GARIN2: variants seen among roughly 807,000 people sequenced by gnomAD.
GARIN2 encodes golgi associated RAB2 interactor family member 2.
At chr14:67,206,271 G>T in the GARIN2 span, among the ~76,000 whole-genome samples, 1 of 152,142 alleles carries the variant, frequency 6.6e-6, no homozygotes, top group African/African-American at 2.4e-5. Flanking sequence ...GACCGAGGCG[G>T]GCAGATCACC....
chr14:67,199,616 C>T, the GARIN2 span: 9,279 of 1,585,804 alleles, frequency 5.9e-3, 47 homozygotes, highest in Non-Finnish European at 7.2e-3. Context: ...CAAGGGTGAG[C>T]GCCATGGCTT....
chr14:67,225,830 A>G, the GARIN2 span, among the ~76,000 whole-genome samples: 387 of 152,272 alleles, frequency 2.5e-3, 3 homozygotes, highest in African/African-American at 9.1e-3. Context: ...TCTCTCAGCC[A>G]TGATAACAAC....
the GARIN2 span, among the ~76,000 whole-genome samples, chr14:67,220,801 T>C: frequency 1.3e-5 from 2 of 152,210 alleles, no homozygotes; most frequent in African/African-American, 4.8e-5. Context: ...AAAGACTATA[T>C]GAATATTTGC....
At chr14:67,200,640 T>C in the GARIN2 span, 1 of 170,926 alleles carries the variant, frequency 5.9e-6, no homozygotes, top group Non-Finnish European at 1.2e-5. Context: ...ACCTCCAGTA[T>C]ACCATAGGCA....
At chr14:67,193,211 G>T in the GARIN2 span, among the ~76,000 whole-genome samples, 9 of 112,004 alleles carry the variant, frequency 8.0e-5, no homozygotes, top group Non-Finnish European at 9.5e-5. Context: ...TCTCTATATA[G>T]ACATCTATCT....
At chr14:67,203,480 G>C in the GARIN2 span, among the ~76,000 whole-genome samples, 1 of 152,128 alleles carries the variant, frequency 6.6e-6, no homozygotes, top group Non-Finnish European at 1.5e-5. Flanking sequence ...GTATCCAACA[G>C]GCAGTTAATT....
At chr14:67,197,749 T>C in the GARIN2 span, among the ~76,000 whole-genome samples, 1 of 152,176 alleles carries the variant, frequency 6.6e-6, no homozygotes, top group Non-Finnish European at 1.5e-5. Flanking sequence ...ATTTGGAAGA[T>C]AGAAAATAAT....
the GARIN2 span, among the ~76,000 whole-genome samples, chr14:67,195,880 T>C: frequency 6.6e-6 from 1 of 151,842 alleles, no homozygotes; most frequent in African/African-American, 2.4e-5. Flanking sequence ...AGTGGGCCTA[T>C]ATTGAGAGAC....
the GARIN2 span, among the ~76,000 whole-genome samples, chr14:67,193,938 C>A: frequency 1.2e-5 from 1 of 81,552 alleles, no homozygotes; most frequent in African/African-American, 8.6e-5. Flanking sequence ...GAGCAAGACC[C>A]TGTCTCAAAA....
chr14:67,219,820 A>C, the GARIN2 span, among the ~76,000 whole-genome samples: 1 of 152,302 alleles, frequency 6.6e-6, no homozygotes, highest in African/African-American at 2.4e-5. Flanking sequence ...AGAGAAATAA[A>C]TAGATGAAGA....
At chr14:67,204,735 G>A in the GARIN2 span, 9 of 1,613,932 alleles carry the variant, frequency 5.6e-6, no homozygotes, top group South Asian at 2.2e-5. Context: ...AAGTGTCGGA[G>A]GTTTCAAGTC....
the GARIN2 span, chr14:67,198,309 A>C: frequency 6.2e-7 from 1 of 1,612,992 alleles, no homozygotes; most frequent in Non-Finnish European, 8.5e-7. Flanking sequence ...GTTAGAGAGC[A>C]ATTTTATCCA....
the GARIN2 span, among the ~76,000 whole-genome samples, chr14:67,200,891 C>G: frequency 2.6e-5 from 4 of 152,192 alleles, no homozygotes; most frequent in Admixed American, 1.3e-4. Flanking sequence ...GACGTTGCCC[C>G]CATCGTAATT....
chr14:67,201,135 C>T, the GARIN2 span, among the ~76,000 whole-genome samples: 6 of 152,228 alleles, frequency 3.9e-5, no homozygotes, highest in African/African-American at 1.2e-4. Flanking sequence ...TCTAAAAACA[C>T]TTTTAAAAAT....
the GARIN2 span, chr14:67,199,086 C>T: frequency 2.6e-5 from 27 of 1,020,100 alleles, no homozygotes; most frequent in African/African-American, 2.7e-4. Flanking sequence ...GATCTCCGAG[C>T]GGAACCAGGA....
chr14:67,204,553 T>C, the GARIN2 span: 1 of 1,613,190 alleles, frequency 6.2e-7, no homozygotes, highest in Non-Finnish European at 8.5e-7. Context: ...CCCTCTGCAG[T>C]TTGTGACTCT....
the GARIN2 span, chr14:67,201,684 C>T: frequency 2.7e-6 from 1 of 369,536 alleles, no homozygotes; most frequent in East Asian, 7.4e-5. Context: ...GTCATCATCC[C>T]TGAGCCATGA....
At chr14:67,201,551 G>T in the GARIN2 span, 1 of 455,780 alleles carries the variant, frequency 2.2e-6, no homozygotes, top group Non-Finnish European at 4.4e-6. Context: ...TTCCAGGGTT[G>T]GAGGATACCT....
chr14:67,212,758 C>T, the GARIN2 span, among the ~76,000 whole-genome samples: 4 of 150,408 alleles, frequency 2.7e-5, no homozygotes, highest in Non-Finnish European at 4.4e-5. Flanking sequence ...GTCTTCTTTC[C>T]TAACAAAGTA....
Sources: allele counts gnomAD v4.1 joint callset (sites outside exome capture counted in the v4.1 genomes callset), GRCh38; gene constraint gnomAD v4.1.1; transcripts MANE v1.5; gene names NCBI Gene and HGNC (gene_info 2026-07-23, HGNC 2026-07-21).